The following RAB11FIP3 variants were observed in gnomAD, a reference collection of about 807,000 sequenced individuals.
RAB11FIP3 encodes RAB11 family interacting protein 3, also known as rab11 family-interacting protein 3.
RAB11FIP3 carries 17 observed loss-of-function variants against 77.8 expected under a neutral mutation model. The ratio of observed to expected loss-of-function variants is 0.22; its 90% CI spans 0.15 to 0.33. The LOEUF (loss-of-function observed/expected upper bound fraction) is 0.33, where lower values mean the gene tolerates loss of function less well. RAB11FIP3 is among the 10% of genes least tolerant of loss of function. The probability of loss-of-function intolerance (pLI) is 1.00; values close to 1 mark genes in which losing one functional copy is unlikely to be tolerated. For missense variants in RAB11FIP3, 1,005 were observed against 1,011.2 expected (o/e 0.99, Z 0.08); for synonymous variants, 437 against 448.2 (o/e 0.98, Z 0.31).
intron 5 of RAB11FIP3, among the ~76,000 whole-genome samples, chr16:490,137 T>C (rs6600224): frequency 0.62 from 94,178 of 152,160 alleles, 29,517 homozygotes; most frequent in African/African-American, 0.71. Flanking sequence ...TGAAGTGTAA[T>C]GTCTATGCTA....
At position 461,855 on chromosome 16, in the gene RAB11FIP3, G is replaced by A. The variant is rs776561841; in HGVS notation, c.808+358G>A. ...CGTGCTCTGCAGGCAGCACTTCGTC[G>A]CACTCTCTCCCCACGTCTCTGTCCA... On this transcript the variant is annotated intron_variant, in intron 2 of 13. Coordinates refer to ENST00000262305, the MANE Select transcript of RAB11FIP3 (RefSeq NM_014700.4). This position sits in a 1 kb window ranked among gnomAD's most constrained non-coding sequence, Gnocchi z 4.5. Among the ~76,000 whole-genome samples, 3 of 152,074 alleles carry A rather than the reference G, an allele frequency of 2.0e-5. No individual in the cohort carries two copies. The highest frequency in any genetic ancestry group is 1.9e-4 in the East Asian group (1 of 5,194).
chr16:501,739 T>TC (rs1207297059), intron 6 of RAB11FIP3, among the ~76,000 whole-genome samples: 1 of 108,188 alleles, frequency 9.2e-6, no homozygotes, highest in East Asian at 2.8e-4. Flanking sequence ...TCGGAGAAGG[T>TC]CCCCCATTTC....
intron 3 of RAB11FIP3, among the ~76,000 whole-genome samples, chr16:478,069 G>A (rs565449931): frequency 3.3e-4 from 51 of 152,306 alleles, no homozygotes; most frequent in Non-Finnish European, 4.4e-4. Flanking sequence ...GCGGCCTCCC[G>A]CAAGTGCGCC....
intron 1 of RAB11FIP3, among the ~76,000 whole-genome samples, chr16:437,037 A>T (rs545285126): frequency 1.4e-4 from 22 of 152,190 alleles, no homozygotes; most frequent in African/African-American, 5.3e-4. Flanking sequence ...GCACTTTGAG[A>T]GGCTGGGGAG....
Position 506,783 on chromosome 16 carries a change from G to C in RAB11FIP3, c.1499+1156G>C, listed in dbSNP as rs1279446276. 6.6e-6 allele frequency among the ~76,000 whole-genome samples: 1 copy of C among 152,218 alleles called. No homozygotes were observed. The highest frequency in any genetic ancestry group is 1.5e-5 in the Non-Finnish European group (1 of 68,044). On this transcript the variant is annotated intron_variant, in intron 8 of 13. Coordinates refer to ENST00000262305, the MANE Select transcript of RAB11FIP3 (RefSeq NM_014700.4). This position sits in a 1 kb window ranked among gnomAD's most constrained non-coding sequence, Gnocchi z 4.5. ...AGTGAAGACCCTGGGCTTGGCGGCT[G>C]CCCGTTCTCCAGGATTCTCAGCAGA... is the stretch of plus-strand genomic sequence containing the variant.
At chr16:489,317 G>T (rs971798105) in intron 5 of RAB11FIP3, among the ~76,000 whole-genome samples, 2 of 152,220 alleles carry the variant, frequency 1.3e-5, no homozygotes, top group Non-Finnish European at 1.5e-5. Context: ...GGTGGTCTGT[G>T]CAGGCTTTTG....
At chr16:517,876 A>G (rs945095860) in intron 9 of RAB11FIP3, among the ~76,000 whole-genome samples, 2 of 152,116 alleles carry the variant, frequency 1.3e-5, no homozygotes, top group African/African-American at 4.8e-5. Context: ...AGGTCAGGAA[A>G]TTGAGACCAT....
rs1474173165 is a variant in RAB11FIP3 at position 506,880 on chromosome 16, C to T, written c.1499+1253C>T. Among the ~76,000 whole-genome samples, 12 of 152,174 alleles carry T rather than the reference C, an allele frequency of 7.9e-5. No individual in the cohort carries two copies. Among genetic ancestry groups the T allele is most frequent in the Non-Finnish European group, 1.5e-4 (10 of 68,038 alleles). On this transcript the variant is annotated intron_variant, in intron 8 of 13. Transcript: ENST00000262305. The surrounding 1 kb of genome is among the most constrained non-coding windows in gnomAD (Gnocchi z 4.5). ...CATGCTGGTGAAGGGGCTGGACTCC[C>T]GTAGTGCGCTACACATAAGCAGTGC...
At chr16:436,522 C>T (rs2055130866) in intron 1 of RAB11FIP3, among the ~76,000 whole-genome samples, 1 of 151,968 alleles carries the variant, frequency 6.6e-6, no homozygotes, top group Non-Finnish European at 1.5e-5. Flanking sequence ...GGCCCTGTTG[C>T]CCAGGGTGGA....
At chr16:513,058 T>G (rs993195357) in intron 9 of RAB11FIP3, among the ~76,000 whole-genome samples, 2 of 152,214 alleles carry the variant, frequency 1.3e-5, no homozygotes, top group African/African-American at 4.8e-5. Flanking sequence ...TCCTGGTGTG[T>G]GTTTAGAAAT....
chr16:508,907 CTT>C (rs541232742), intron 8 of RAB11FIP3, among the ~76,000 whole-genome samples: 10 of 142,022 alleles, frequency 7.0e-5, no homozygotes, highest in Non-Finnish European at 1.2e-4. Flanking sequence ...TTGATCAGAT[CTT>C]TTTTTTTTTT....
chr16:446,386 A>G (rs1029709843), intron 1 of RAB11FIP3, among the ~76,000 whole-genome samples: 3 of 152,252 alleles, frequency 2.0e-5, no homozygotes, highest in African/African-American at 7.2e-5. Flanking sequence ...AGGGGACGAC[A>G]TTGCAGGTGG....
At position 441,616 on chromosome 16, in the gene RAB11FIP3, C is replaced by T. The variant is rs551233603; in HGVS notation, c.714+14896C>T. Among the ~76,000 whole-genome samples, 19 of 152,360 alleles carry T rather than the reference C, an allele frequency of 1.2e-4. No individual in the cohort carries two copies. The South Asian group carries it at 3.5e-3, about 28-fold the overall frequency. On this transcript the variant is annotated intron_variant, in intron 1 of 13. Transcript: ENST00000262305. ...TCACGCACGCGGACCCTAATGTGCA[C>T]AGGGACTAGCCTGGAGTTGGTGCCA...
Position 513,730 on chromosome 16 carries a change from G to A in RAB11FIP3, c.1640+2930G>A, listed in dbSNP as rs559285008. ...AAGATACTTGCCTTATCTAAGAAGAGCTCCTAGGCATTTTCAAAACTGGTG... is the reference window on the plus strand; with the variant it reads ...AAGATACTTGCCTTATCTAAGAAGAACTCCTAGGCATTTTCAAAACTGGTG... On this transcript the variant is annotated intron_variant, in intron 9 of 13. Coordinates refer to ENST00000262305, the MANE Select transcript of RAB11FIP3 (RefSeq NM_014700.4). Among the ~76,000 whole-genome samples, 20 of 152,294 alleles carry A rather than the reference G, an allele frequency of 1.3e-4. No individual in the cohort carries two copies. In the South Asian group the frequency reaches 4.1e-3, roughly 32 times the overall value.
intron 2 of RAB11FIP3, among the ~76,000 whole-genome samples, chr16:466,597 A>G (rs1183017267): frequency 6.6e-6 from 1 of 152,198 alleles, no homozygotes; most frequent in Admixed American, 6.5e-5. Flanking sequence ...GGGGGCTGCC[A>G]GCTGTGGACT....
intron 1 of RAB11FIP3, among the ~76,000 whole-genome samples, chr16:430,678 C>T (rs1187263094): frequency 6.6e-6 from 1 of 152,060 alleles, no homozygotes; most frequent in East Asian, 1.9e-4. Flanking sequence ...TCTTAGCCTC[C>T]TGAGTAGCTG....
intron 3 of RAB11FIP3, among the ~76,000 whole-genome samples, chr16:481,600 G>A (rs962219039): frequency 1.5e-5 from 2 of 137,214 alleles, no homozygotes; most frequent in Admixed American, 1.5e-4. Context: ...CCACACCTGG[G>A]CAAGCTCCTC....
chr16:482,698 G>A lies in RAB11FIP3; in HGVS notation c.1077G>A (p.Glu359=), dbSNP rs751104561. The change falls in exon 4 of 14, where the codon GAG becomes GAA. Residue 359 remains glutamate, a synonymous_variant. Transcript: ENST00000262305. ...CCTCTGAGTGCCTGGACGCCATGGA[G>A]GAGCCCGACCATGGTGCCCTGCTGC... is the stretch of plus-strand genomic sequence containing the variant. The part of the protein sequence containing the change: ...AVPSECLDAM[E]EPDHGALLLL... 3 of 1,611,272 alleles carry A rather than the reference G, an allele frequency of 1.9e-6. No individual in the cohort carries two copies. Among genetic ancestry groups the A allele is most frequent in the East Asian group, 4.5e-5 (2 of 44,786 alleles).
intron 1 of RAB11FIP3, among the ~76,000 whole-genome samples, chr16:440,036 T>TTCAC (rs776992252): frequency 9.9e-5 from 15 of 152,036 alleles, no homozygotes; most frequent in Non-Finnish European, 1.6e-4. Flanking sequence ...GACACGGGGT[T>TTCAC]TCACTGTGTT....
Sources: gnomAD v4.1 joint callset for allele counts (sites outside exome capture counted in the v4.1 genomes callset) on GRCh38, gnomAD v4.1.1 for gene constraint, Gnocchi (gnomAD v3.1) non-coding constraint, MANE v1.5 for transcripts, NCBI Gene and HGNC (gene_info 2026-07-23, HGNC 2026-07-21) for gene names.